Variants in HSPA13 observed in about 807,000 individuals in gnomAD.
The protein encoded by HSPA13 is heat shock 70 kDa protein 13.
A neutral mutation model predicts 38.8 loss-of-function variants in HSPA13; 29 were observed. That is an observed-to-expected ratio of 0.75 (90% CI 0.56 to 1.02). The LOEUF (loss-of-function observed/expected upper bound fraction) is 1.02. HSPA13 is among the 50% of genes least tolerant of loss of function. The pLI, the probability that HSPA13 is intolerant of heterozygous loss-of-function variation, is 0.00. For synonymous variants in HSPA13, 192 were observed against 205.3 expected, an observed-to-expected ratio of 0.94 and a Z score of 0.56; for missense variants, 451 against 560.9, an observed-to-expected ratio of 0.80 and a Z score of 1.98.
Position 14,374,243 on chromosome 21 carries a change from G to A in HSPA13, c.790C>T (p.Leu264Phe). ...TAGATCTGTTTATATAAGTACTGAA[G>A]CAATCTCTGATTGAAGTCCTGTCCT... Reference protein sequence around the residue: ...LGGQDFNQRLLQYLYKQIYQT... With the variant: ...LGGQDFNQRLFQYLYKQIYQT... The change falls in exon 5 of 5, where the codon CTT becomes TTT. Residue 264 changes from leucine (L) to phenylalanine (F), a missense_variant. By Grantham distance (22) the Leu-to-Phe change is conservative. Transcript: ENST00000285667. 1 of 1,611,214 alleles carries A rather than the reference G, an allele frequency of 6.2e-7. No individual in the cohort carries two copies. Among genetic ancestry groups the A allele is most frequent in the Non-Finnish European group, 8.5e-7 (1 of 1,179,646 alleles).
At chr21:14,383,067 A>G (rs1408152916) in intron 1 of HSPA13, 28 bp downstream of exon 1, 1 of 1,613,942 alleles carries the variant, frequency 6.2e-7, no homozygotes, top group Non-Finnish European at 8.5e-7. Flanking sequence ...TACGCCCGCA[A>G]GAGCAACAAG....
Position 14,378,050 on chromosome 21 carries a change from T to C in HSPA13, c.580+149A>G, listed in dbSNP as rs796563348. ...ATACACATATATACTATCAGTCCTG[T>C]CCCTCTAGAGAACCCTAATACACCT... On this transcript the variant is annotated intron_variant, in intron 3 of 4. Transcript: ENST00000285667. The C allele has an allele frequency of 6.4e-6, 4 of 625,640 alleles. No individual in the cohort carries two copies. In the African/African-American group the frequency reaches 7.3e-5, roughly 11 times the overall value. 38.8% of individuals were successfully genotyped at this position (625,640 alleles called of 1,614,324 possible).
At position 14,373,564 on chromosome 21, in the gene HSPA13, A is replaced by C. The variant is rs1008391597; in HGVS notation, c.*53T>G. ...CTTTTGTGGAAAAGGTAATCTGATA[A>C]ATGGGAAGAGATCATCAGACAAGTT... On this transcript the variant is annotated 3_prime_UTR_variant, in exon 5 of 5. Coordinates refer to ENST00000285667, the MANE Select transcript of HSPA13 (RefSeq NM_006948.5). 4.9e-6 allele frequency: 7 copies of C among 1,421,898 alleles called. No individual in the cohort carries two copies. The African/African-American group carries it at 1.0e-4, about 20-fold the overall frequency. 88.1% of individuals were successfully genotyped at this position (1,421,898 alleles called of 1,614,324 possible).
rs565992038 is a variant in HSPA13 at position 14,382,993 on chromosome 21, C to T, written c.25+102G>A. On this transcript the variant is annotated intron_variant, in intron 1 of 4. Coordinates refer to ENST00000285667, the MANE Select transcript of HSPA13 (RefSeq NM_006948.5). Reference sequence around the variant, plus strand: ...CACCTTTCTGACTCCCCTTCCGCTGCTCCAGCTAGATCCAGGAGGTGAGTC... The same window carrying T: ...CACCTTTCTGACTCCCCTTCCGCTGTTCCAGCTAGATCCAGGAGGTGAGTC... The T allele has an allele frequency of 4.4e-6, 6 of 1,366,436 alleles. No homozygotes were observed. In the East Asian group the frequency reaches 9.1e-5, roughly 21 times the overall value. The allele number at this position is 1,366,436 out of a possible 1,614,324, so 84.6% of individuals were successfully genotyped here. A position where few individuals can be genotyped will look rare whatever the true frequency, so the allele number is the denominator to read the frequency against.
rs955206909 is a variant in HSPA13 at position 14,371,140 on chromosome 21, A to G, written c.*2477T>C. 1 of 152,638 alleles carries G rather than the reference A, an allele frequency of 6.6e-6. No homozygotes were observed. Among genetic ancestry groups the G allele is most frequent in the African/African-American group, 2.4e-5 (1 of 41,454 alleles). The allele number at this position is 152,638 out of a possible 1,614,324, so 9.5% of individuals were successfully genotyped here. A position where few individuals can be genotyped will look rare whatever the true frequency, so the allele number is the denominator to read the frequency against. On this transcript the variant is annotated 3_prime_UTR_variant, in exon 5 of 5. Coordinates refer to ENST00000285667, the MANE Select transcript of HSPA13 (RefSeq NM_006948.5). ...TTTAAAAAACAAACTGCAAAATGGT[A>G]TTTATTTACATTAAAACATGAATTG...
chr21:14,379,024 G>A (rs1230453915), intron 2 of HSPA13, among the ~76,000 whole-genome samples: 1 of 152,060 alleles, frequency 6.6e-6, no homozygotes, highest in Non-Finnish European at 1.5e-5. Context: ...AATAAATGAT[G>A]AAATGTAAGA....
chr21:14,372,090 T>C lies in HSPA13; in HGVS notation c.*1527A>G, dbSNP rs1415595712. The C allele has an allele frequency of 1.3e-5, 2 of 152,106 alleles. No homozygotes were observed. Among genetic ancestry groups the C allele is most frequent in the Admixed American group, 1.3e-4 (2 of 15,274 alleles). The allele number at this position is 152,106 out of a possible 1,614,324, so 9.4% of individuals were successfully genotyped here. A position where few individuals can be genotyped will look rare whatever the true frequency, so the allele number is the denominator to read the frequency against. Reference sequence around the variant, plus strand: ...ATTTTTTTTTAGATATGAAAAATATTAGTAACATTCAGCTTTTTACTATGA... The same window carrying C: ...ATTTTTTTTTAGATATGAAAAATATCAGTAACATTCAGCTTTTTACTATGA... On this transcript the variant is annotated 3_prime_UTR_variant, in exon 5 of 5. Coordinates refer to ENST00000285667, the MANE Select transcript of HSPA13 (RefSeq NM_006948.5).
chr21:14,381,509 A>AT lies in HSPA13; in HGVS notation c.59dup (p.Tyr20Ter), dbSNP rs765946413. ...GCAATGGTAAATACTGTTGTGCCAA[A>AT]TAGCCGGCCAACAGGAGAGTCAAAA... is the stretch of plus-strand genomic sequence containing the variant. ...SAVLTLLLAGYLAQQYLPLPT... is the reference protein window; with the variant it reads ...SAVLTLLLAG Residue 20 changes from tyrosine to a stop codon, truncating the protein, a stop_gained and frameshift_variant, in exon 2 of 5, where the codon TAT becomes TAAT. Transcript: ENST00000285667. LOFTEE classifies it high-confidence loss of function. 1.2e-6 allele frequency: 2 copies of AT among 1,603,124 alleles called. No homozygotes were observed. Among genetic ancestry groups the AT allele is most frequent in the African/African-American group, 2.7e-5 (2 of 74,790 alleles).
intron 3 of HSPA13, among the ~76,000 whole-genome samples, chr21:14,377,695 T>A (rs1352992143): frequency 6.6e-6 from 1 of 152,072 alleles, no homozygotes; most frequent in Non-Finnish European, 1.5e-5. Context: ...GCTGCCAGAG[T>A]GTGCCTGGAA....
At position 14,378,208 on chromosome 21, in the gene HSPA13, T is replaced by C. The variant is rs763489416; in HGVS notation, c.571A>G (p.Asn191Asp). 40 of 1,613,534 alleles carry C rather than the reference T, an allele frequency of 2.5e-5. No homozygotes were observed. In the South Asian group the frequency reaches 4.0e-4, roughly 16 times the overall value. ...TCAAGGGTACTGTTACCTGCAAGGT[T>C]AGCAGCTTCAATTGTTGAATTTCTC... ...KQRNSTIEAA[N>D]LAGLKILRVI... The change falls in exon 3 of 5, where the codon AAC becomes GAC. Residue 191 changes from asparagine (N) to aspartate (D), a missense_variant. Asn to Asp is a conservative substitution (Grantham distance 23, BLOSUM62 1). Coordinates refer to ENST00000285667, the MANE Select transcript of HSPA13 (RefSeq NM_006948.5).
chr21:14,378,359 G>A lies in HSPA13; in HGVS notation c.420C>T (p.Ile140=), dbSNP rs1263091216. Reference sequence around the variant, plus strand: ...AGCCAACATATTCTGGGGACACTGTGATGGTCTCATTACTTGTCACAGAAA... The same window carrying A: ...AGCCAACATATTCTGGGGACACTGTAATGGTCTCATTACTTGTCACAGAAA... ...VEFSVTSNET[I]TVSPEYVGSR... The change falls in exon 3 of 5, where the codon ATC becomes ATT. Residue 140 remains isoleucine, a synonymous_variant. Coordinates refer to ENST00000285667, the MANE Select transcript of HSPA13 (RefSeq NM_006948.5). 6.2e-7 allele frequency: 1 copy of A among 1,614,100 alleles called. No individual in the cohort carries two copies. The highest frequency in any genetic ancestry group is 1.3e-5 in the African/African-American group (1 of 75,042).
At position 14,373,699 on chromosome 21, in the gene HSPA13, C is replaced by T; in HGVS notation, c.1334G>A (p.Gly445Glu). The T allele has an allele frequency of 6.2e-7, 1 of 1,614,088 alleles. No individual in the cohort carries two copies. The highest frequency in any genetic ancestry group is 8.5e-7 in the Non-Finnish European group (1 of 1,180,004). ...GAGAGGCCAAGAGCCTCCATCAATCCCTGCTTGGATAGCCACTCCCGTTAC... is the reference window on the plus strand; with the variant it reads ...GAGAGGCCAAGAGCCTCCATCAATCTCTGCTTGGATAGCCACTCCCGTTAC... Reference protein sequence around the residue: ...AVVTGVAIQAGIDGGSWPLQV... With the variant: ...AVVTGVAIQAEIDGGSWPLQV... Residue 445 changes from glycine (G) to glutamate (E), a missense_variant, in exon 5 of 5, where the codon GGG becomes GAG. Transcript: ENST00000285667.
rs2123520950 is a variant in HSPA13, at chr21:14,373,220, CAAGT to C, written c.*393_*396del. ...AAATTATTAGTTACATGTGATAATA[CAAGT>C]AATTACCAGCTCCTGCTAATACAAT... On this transcript the variant is annotated 3_prime_UTR_variant, in exon 5 of 5. Coordinates refer to ENST00000285667, the MANE Select transcript of HSPA13 (RefSeq NM_006948.5). 1 of 168,448 alleles carries C rather than the reference CAAGT, an allele frequency of 5.9e-6. No homozygotes were observed. The highest frequency in any genetic ancestry group is 1.5e-4 in the South Asian group (1 of 6,696). The allele number at this position is 168,448 out of a possible 1,614,324, so 10.4% of individuals were successfully genotyped here. A position where few individuals can be genotyped will look rare whatever the true frequency, so the allele number is the denominator to read the frequency against.
chr21:14,377,988 AGT>A (rs1195651571), intron 3 of HSPA13, among the ~76,000 whole-genome samples: 5 of 152,240 alleles, frequency 3.3e-5, no homozygotes, highest in Non-Finnish European at 7.3e-5. Flanking sequence ...ACCCTGTGAT[AGT>A]GTGAGTCAAT....
rs898276936 is a variant in HSPA13, at chr21:14,372,219, T to C, written c.*1398A>G. 6.6e-6 allele frequency: 1 copy of C among 151,946 alleles called. No homozygotes were observed. The highest frequency in any genetic ancestry group is 1.5e-5 in the Non-Finnish European group (1 of 67,906). The allele number at this position is 151,946 out of a possible 1,614,324, so 9.4% of individuals were successfully genotyped here. ...AATTCAGCAATGGATAAAGCAGAGATACTTTACAATAAAAAACAAAAAAAG... is the reference window on the plus strand; with the variant it reads ...AATTCAGCAATGGATAAAGCAGAGACACTTTACAATAAAAAACAAAAAAAG... On this transcript the variant is annotated 3_prime_UTR_variant, in exon 5 of 5. Transcript: ENST00000285667.
At position 14,378,315 on chromosome 21, in the gene HSPA13, A is replaced by G; in HGVS notation, c.464T>C (p.Leu155Ser). The G allele has an allele frequency of 6.2e-7, 1 of 1,614,070 alleles. No individual in the cohort carries two copies. Among genetic ancestry groups the G allele is most frequent in the Non-Finnish European group, 8.5e-7 (1 of 1,179,924 alleles). The change falls in exon 3 of 5, where the codon TTA becomes TCA. Residue 155 changes from leucine (L) to serine (S), a missense_variant. By Grantham distance (145) the Leu-to-Ser change is moderately radical. Transcript: ENST00000285667. Reference sequence around the variant, plus strand: ...AAGATATGCCTCTGCCATTTCCTTTAACTTCAACAATAGTCGAGAGCCAAC... The same window carrying G: ...AAGATATGCCTCTGCCATTTCCTTTGACTTCAACAATAGTCGAGAGCCAAC... Reference protein sequence around the residue: ...EYVGSRLLLKLKEMAEAYLGM... With the variant: ...EYVGSRLLLKSKEMAEAYLGM...
Position 14,373,063 on chromosome 21 carries a change from A to T in HSPA13, c.*554T>A, listed in dbSNP as rs1337211924. The T allele has an allele frequency of 6.6e-6, 1 of 152,580 alleles. No homozygotes were observed. The allele number at this position is 152,580 out of a possible 1,614,324, so 9.5% of individuals were successfully genotyped here. ...GAATATGACACTTAACAGGATACTG[A>T]ATTTGTGAATGTAAATTTGTTATAT... is the stretch of plus-strand genomic sequence containing the variant. On this transcript the variant is annotated 3_prime_UTR_variant, in exon 5 of 5. Transcript: ENST00000285667.
chr21:14,381,763 C>CA, intron 1 of HSPA13, among the ~76,000 whole-genome samples: 1 of 151,980 alleles, frequency 6.6e-6, no homozygotes, highest in East Asian at 1.9e-4. Flanking sequence ...ACACAAACAA[C>CA]AAAAAACCCT....
chr21:14,375,185 T>C (rs1337378555), intron 4 of HSPA13, among the ~76,000 whole-genome samples: 1 of 152,218 alleles, frequency 6.6e-6, no homozygotes, highest in African/African-American at 2.4e-5. Context: ...CTGATCACCC[T>C]TCATTTTAAA....
Sources: allele counts gnomAD v4.1 joint callset (sites outside exome capture counted in the v4.1 genomes callset), GRCh38; gene constraint gnomAD v4.1.1; transcripts MANE v1.5; gene names NCBI Gene and HGNC (gene_info 2026-07-23, HGNC 2026-07-21).